GRM7: variants seen among roughly 807,000 people sequenced by gnomAD.
The protein encoded by GRM7 is metabotropic glutamate receptor 7.
A neutral mutation model predicts 84.5 loss-of-function variants in GRM7; 35 were observed. The observed-to-expected ratio is 0.41, with a 90% confidence interval of 0.32 to 0.55. GRM7 has a LOEUF of 0.55. GRM7 is among the 20% of genes least tolerant of loss of function. The probability of loss-of-function intolerance (pLI) is 0.19; values close to 1 mark genes in which losing one functional copy is unlikely to be tolerated. For missense variants in GRM7, 1,003 were observed against 1,194.6 expected (o/e 0.84, Z 2.36); for synonymous variants, 487 against 455.1 (o/e 1.07, Z -0.89).
intron 8 of GRM7, among the ~76,000 whole-genome samples, chr3:7,586,827 A>G (rs537608789): frequency 6.6e-6 from 1 of 152,214 alleles, no homozygotes; most frequent in Non-Finnish European, 1.5e-5. Flanking sequence ...GCAATGGACC[A>G]TTGATGCATT....
intron 2 of GRM7, among the ~76,000 whole-genome samples, chr3:7,243,956 TAAAA>T (rs1160209773): frequency 6.6e-6 from 1 of 151,972 alleles, no homozygotes; most frequent in Non-Finnish European, 1.5e-5. Context: ...ATATAAAAAA[TAAAA>T]AACAGTACAC....
At chr3:6,925,170 C>G (rs966033648) in intron 1 of GRM7, among the ~76,000 whole-genome samples, 55 of 152,134 alleles carry the variant, frequency 3.6e-4, no homozygotes, top group African/African-American at 1.3e-3. Flanking sequence ...TTTCTTCCTT[C>G]CATTTCATGC....
chr3:7,207,509 C>T (rs1168380866), intron 2 of GRM7, among the ~76,000 whole-genome samples: 1 of 152,178 alleles, frequency 6.6e-6, no homozygotes, highest in Non-Finnish European at 1.5e-5. Context: ...ACTGTCTTAA[C>T]CTCAACAGAA....
At chr3:6,880,431 A>T (rs866874601) in intron 1 of GRM7, among the ~76,000 whole-genome samples, 8 of 152,344 alleles carry the variant, frequency 5.3e-5, no homozygotes, top group Middle Eastern at 6.8e-3. Flanking sequence ...CTGGAATGAC[A>T]TTCTCTTTCT....
At chr3:7,593,154 G>A (rs889946098) in intron 8 of GRM7, among the ~76,000 whole-genome samples, 3 of 152,152 alleles carry the variant, frequency 2.0e-5, no homozygotes, top group Non-Finnish European at 4.4e-5. Context: ...TGAGATCATT[G>A]CTTCTGGCAA....
chr3:6,867,556 T>C (rs1694979629), intron 1 of GRM7, among the ~76,000 whole-genome samples: 1 of 152,150 alleles, frequency 6.6e-6, no homozygotes, highest in African/African-American at 2.4e-5. Flanking sequence ...CATGGTATAA[T>C]GGAATACAAA....
At chr3:7,237,299 A>G (rs374233999) in intron 2 of GRM7, among the ~76,000 whole-genome samples, 1 of 152,338 alleles carries the variant, frequency 6.6e-6, no homozygotes, top group East Asian at 1.9e-4. Context: ...CAGTCCTTCT[A>G]TTAGGTGTTC....
At chr3:6,956,668 C>G (rs1312880005) in intron 1 of GRM7, 1 of 455,368 alleles carries the variant, frequency 2.2e-6, no homozygotes. Context: ...CTCAGTACTG[C>G]TCACATGAAT....
At chr3:7,363,752 C>T (rs181953585) in intron 4 of GRM7, among the ~76,000 whole-genome samples, 12 of 152,142 alleles carry the variant, frequency 7.9e-5, no homozygotes, top group East Asian at 1.9e-4. Flanking sequence ...TTCACTCCAC[C>T]GGCAGTTAAC....
chr3:7,674,084 AG>A (rs1700037546), intron 8 of GRM7, among the ~76,000 whole-genome samples: 1 of 152,218 alleles, frequency 6.6e-6, no homozygotes. Context: ...CAATAGTATC[AG>A]GGGCAGAGCA....
rs149676557 is a variant in GRM7 at position 7,537,064 on chromosome 3, A to C, written c.1516-41358A>C. ...AGGGGCACAGATGCTTGAGGAAAGA[A>C]GTTTACAGCACACACCAGAATGGCT... On this transcript the variant is annotated intron_variant, in intron 7 of 9. Coordinates refer to ENST00000357716, the MANE Select transcript of GRM7 (RefSeq NM_000844.4). Among the ~76,000 whole-genome samples, 729 of 152,238 alleles carry C rather than the reference A, an allele frequency of 4.8e-3. 6 individuals carry two copies. Among genetic ancestry groups the C allele is most frequent in the African/African-American group, 0.017 (699 of 41,538 alleles).
chr3:7,213,418 C>G (rs193095388), intron 2 of GRM7, among the ~76,000 whole-genome samples: 1 of 152,092 alleles, frequency 6.6e-6, no homozygotes, highest in South Asian at 2.1e-4. Flanking sequence ...GGAGATCACC[C>G]GCTTCAATCT....
At chr3:6,869,860 T>C (rs1385376117) in intron 1 of GRM7, among the ~76,000 whole-genome samples, 1 of 152,172 alleles carries the variant, frequency 6.6e-6, no homozygotes, top group Admixed American at 6.5e-5. Context: ...CCTGCAGAGC[T>C]TTGGGAAAGT....
chr3:7,327,141 A>G (rs1701020942), intron 4 of GRM7, among the ~76,000 whole-genome samples: 1 of 152,202 alleles, frequency 6.6e-6, no homozygotes, highest in Non-Finnish European at 1.5e-5. Flanking sequence ...TGGAGCTAAC[A>G]CTCATCCTGA....
At chr3:6,886,206 A>G (rs1189128254) in intron 1 of GRM7, among the ~76,000 whole-genome samples, 2 of 152,064 alleles carry the variant, frequency 1.3e-5, no homozygotes, top group Non-Finnish European at 1.5e-5. Context: ...ACCATGTTGT[A>G]CATTCGATCT....
chr3:7,650,424 C>T (rs1698877900), intron 8 of GRM7, among the ~76,000 whole-genome samples: 1 of 152,204 alleles, frequency 6.6e-6, no homozygotes, highest in Non-Finnish European at 1.5e-5. Flanking sequence ...GAACCCACTA[C>T]TAGTTACTAT....
intron 1 of GRM7, among the ~76,000 whole-genome samples, chr3:6,994,685 A>G (rs1045151015): frequency 6.6e-6 from 1 of 152,182 alleles, no homozygotes; most frequent in Admixed American, 6.5e-5. Flanking sequence ...TGCTTGCTGA[A>G]CAGGTTTTAT....
intron 1 of GRM7, among the ~76,000 whole-genome samples, chr3:7,133,033 G>A (rs1315683899): frequency 6.6e-6 from 1 of 151,926 alleles, no homozygotes; most frequent in Admixed American, 6.6e-5. Context: ...TTCTGTCCTG[G>A]AAAAGTATCT....
rs763387881 is a variant in GRM7, at chr3:7,452,758, A to G, written c.1326A>G (p.Gln442=). The G allele has an allele frequency of 2.8e-5, 45 of 1,613,544 alleles. No homozygotes were observed. Among genetic ancestry groups the G allele is most frequent in the Non-Finnish European group, 3.7e-5 (44 of 1,179,654 alleles). Residue 442 remains glutamine (Q), a synonymous_variant, in exon 6 of 10, where the codon CAA becomes CAG. Transcript: ENST00000357716. ...DYRGVCPEME[Q]AGGKKLLKYI... The stretch of plus-strand genomic sequence containing the variant: ...GGGGTGTCTGCCCAGAGATGGAGCA[A>G]GCTGGAGGCAAGAAGTTGCTGAAGT...
Sources: allele counts gnomAD v4.1 joint callset (sites outside exome capture counted in the v4.1 genomes callset), GRCh38; gene constraint gnomAD v4.1.1; transcripts MANE v1.5; gene names NCBI Gene and HGNC (gene_info 2026-07-23, HGNC 2026-07-21).